ADK: variants seen among roughly 807,000 people sequenced by gnomAD.
ADK encodes N6,N6-dimethyladenosine kinase.
Under a neutral mutation model 44.7 loss-of-function variants are expected in ADK, and 24 were observed. The observed-to-expected ratio is 0.54, with a 90% CI of 0.39 to 0.76. The LOEUF (loss-of-function observed/expected upper bound fraction) is 0.76. Ranked by LOEUF, ADK falls within the 30% of genes least tolerant of loss-of-function variation. The pLI, the probability that ADK is intolerant of heterozygous loss-of-function variation, is 0.00. For missense variants in ADK, 321 were observed against 425.1 expected, an observed-to-expected ratio of 0.76 and a Z score of 2.15; for synonymous variants, 128 against 142.6, an observed-to-expected ratio of 0.90 and a Z score of 0.73.
intron 10 of ADK, among the ~76,000 whole-genome samples, chr10:74,677,100 C>A (rs1297811712): frequency 6.6e-6 from 1 of 152,032 alleles, no homozygotes; most frequent in Non-Finnish European, 1.5e-5. Context: ...AAAAAATTAG[C>A]TGGGCATGGT....
intron 3 of ADK, among the ~76,000 whole-genome samples, chr10:74,308,453 T>C (rs867825298): frequency 2.6e-5 from 4 of 152,202 alleles, no homozygotes; most frequent in Admixed American, 6.5e-5. Flanking sequence ...ACATTTGAGT[T>C]TTTTAAAACC....
intron 3 of ADK, among the ~76,000 whole-genome samples, chr10:74,259,574 A>T (rs939084752): frequency 2.0e-5 from 3 of 148,154 alleles, no homozygotes; most frequent in Non-Finnish European, 4.4e-5. Context: ...CTCCTGCCTC[A>T]GCCTCCCAAG....
intron 3 of ADK, among the ~76,000 whole-genome samples, chr10:74,273,378 T>C (rs1487783535): frequency 6.6e-6 from 1 of 152,174 alleles, no homozygotes; most frequent in Admixed American, 6.6e-5. Flanking sequence ...GCCAGGTTGC[T>C]TGAGGCTTTG....
chr10:74,515,831 A>G (rs1490651148), intron 6 of ADK, among the ~76,000 whole-genome samples: 2 of 152,138 alleles, frequency 1.3e-5, no homozygotes, highest in East Asian at 1.9e-4. Context: ...TGGTATGGCC[A>G]TGGTTCTTGG....
intron 6 of ADK, among the ~76,000 whole-genome samples, chr10:74,428,435 C>G (rs905676744): frequency 1.2e-4 from 19 of 152,112 alleles, no homozygotes; most frequent in Non-Finnish European, 1.5e-5. Context: ...GAAGAGTTCC[C>G]CACTGGTCAA....
chr10:74,303,588 G>GTTTTTTGTTTTTTTTTT (rs1840141336), intron 3 of ADK, among the ~76,000 whole-genome samples: 1 of 68,576 alleles, frequency 1.5e-5, no homozygotes, highest in African/African-American at 7.9e-5. Context: ...TTTTAATGTT[G>GTTTTTTGTTTTTTTTTT]TTTTTTTTTT....
At chr10:74,624,492 T>C (rs1408912084) in intron 9 of ADK, among the ~76,000 whole-genome samples, 1 of 152,128 alleles carries the variant, frequency 6.6e-6, no homozygotes, top group Non-Finnish European at 1.5e-5. Flanking sequence ...TTATTTATCA[T>C]GGTAAATTTT....
At chr10:74,223,544 T>G (rs1844406283) in intron 2 of ADK, among the ~76,000 whole-genome samples, 1 of 152,116 alleles carries the variant, frequency 6.6e-6, no homozygotes, top group Non-Finnish European at 1.5e-5. Flanking sequence ...CAGATTAATT[T>G]TAAATTTTAT....
intron 4 of ADK, among the ~76,000 whole-genome samples, chr10:74,376,369 TTTAA>T (rs1564685325): frequency 6.6e-6 from 1 of 152,132 alleles, no homozygotes; most frequent in Non-Finnish European, 1.5e-5. Context: ...AGTTTTTCAT[TTTAA>T]TTATTTATTT....
intron 9 of ADK, among the ~76,000 whole-genome samples, chr10:74,661,745 C>T (rs1171986051): frequency 2.0e-5 from 3 of 152,154 alleles, no homozygotes; most frequent in East Asian, 1.9e-4. Flanking sequence ...CAGTCTTCTC[C>T]GTGAAAGCAT....
intron 7 of ADK, 142 bp downstream of exon 7, chr10:74,525,568 C>G: frequency 1.4e-6 from 1 of 707,264 alleles, no homozygotes; most frequent in Non-Finnish European, 2.3e-6. Flanking sequence ...ACAAAATTGC[C>G]TCAATGTCAA....
At position 74,341,527 on chromosome 10, in the gene ADK, C is replaced by CAAA. The variant is rs35233016; in HGVS notation, c.273+26798_273+26800dup. On this transcript the variant is annotated intron_variant, in intron 4 of 10. Coordinates refer to ENST00000539909, the MANE Select transcript of ADK (RefSeq NM_006721.4). ...GGACAACAAGAGCGAGACTCCGTCTCAAAAAAAAAAAAAAAAAAGGATTTT... is the reference window on the plus strand; with the variant it reads ...GGACAACAAGAGCGAGACTCCGTCTCAAAAAAAAAAAAAAAAAAAAAGGATTTT... 1.0e-3 allele frequency among the ~76,000 whole-genome samples: 64 copies of CAAA among 61,552 alleles called. 1 individual carries two copies. In the South Asian group the frequency reaches 0.037, roughly 35 times the overall value. 40.4% of individuals were successfully genotyped at this position (61,552 alleles called of 152,430 possible).
intron 6 of ADK, among the ~76,000 whole-genome samples, chr10:74,510,953 C>A (rs1168774497): frequency 6.6e-6 from 1 of 152,210 alleles, no homozygotes; most frequent in Non-Finnish European, 1.5e-5. Flanking sequence ...AGAGATCCAC[C>A]TGCCTTGACC....
At position 74,394,134 on chromosome 10, in the gene ADK, T is replaced by G. The variant is rs1209651923; in HGVS notation, c.274-7T>G. The G allele has an allele frequency of 2.5e-6, 4 of 1,613,962 alleles. No individual in the cohort carries two copies. In the South Asian group the frequency reaches 3.3e-5, roughly 13 times the overall value. Reference sequence around the variant, plus strand: ...CCCATTAAATTATTTATGTTCCTGTTTTACAGTGGATGATTCAACAGCCAC... The same window carrying G: ...CCCATTAAATTATTTATGTTCCTGTGTTACAGTGGATGATTCAACAGCCAC... On this transcript the variant is annotated splice_polypyrimidine_tract_variant and splice_region_variant and intron_variant, in intron 4 of 10. Coordinates refer to ENST00000539909, the MANE Select transcript of ADK (RefSeq NM_006721.4).
chr10:74,703,820 G>A (rs897922780), intron 10 of ADK, among the ~76,000 whole-genome samples: 4 of 152,162 alleles, frequency 2.6e-5, no homozygotes, highest in Non-Finnish European at 5.9e-5. Flanking sequence ...AAAAGACATT[G>A]TAAATGTAAC....
At chr10:74,667,237 C>A (rs1362517691) in intron 9 of ADK, among the ~76,000 whole-genome samples, 1 of 152,008 alleles carries the variant, frequency 6.6e-6, no homozygotes, top group Non-Finnish European at 1.5e-5. Flanking sequence ...TCAGAGTCAT[C>A]ATTTTGAAAG....
intron 3 of ADK, among the ~76,000 whole-genome samples, chr10:74,234,513 A>G (rs560391666): frequency 8.4e-4 from 127 of 152,072 alleles, no homozygotes; most frequent in African/African-American, 2.8e-3. Context: ...CATTATGAAC[A>G]TACCTACTTG....
chr10:74,516,488 C>A (rs1021026777), intron 6 of ADK, among the ~76,000 whole-genome samples: 5 of 151,744 alleles, frequency 3.3e-5, no homozygotes, highest in Non-Finnish European at 7.4e-5. Flanking sequence ...AGCCATCTTG[C>A]TGATGTTACT....
At chr10:74,554,670 C>A (rs1198395296) in intron 7 of ADK, among the ~76,000 whole-genome samples, 1 of 151,700 alleles carries the variant, frequency 6.6e-6, no homozygotes, top group African/African-American at 2.4e-5. Context: ...TGTGGCCAGG[C>A]ACAATGGCTC....
Sources: allele counts gnomAD v4.1 joint callset (sites outside exome capture counted in the v4.1 genomes callset), GRCh38; gene constraint gnomAD v4.1.1; transcripts MANE v1.5; gene names NCBI Gene and HGNC (gene_info 2026-07-23, HGNC 2026-07-21).